The following LYPLAL1 variants were observed in gnomAD, a reference collection of about 807,000 sequenced individuals.
The protein encoded by LYPLAL1 is lysophospholipase-like protein 1.
Under a neutral mutation model 19.7 loss-of-function variants are expected in LYPLAL1, and 23 were observed. The observed-to-expected ratio is 1.17, with a 90% CI of 0.84 to 1.65. The LOEUF (loss-of-function observed/expected upper bound fraction) is 1.65. Ranked by LOEUF, LYPLAL1 falls within the 40% of genes most tolerant of loss-of-function variation. The pLI, the probability that LYPLAL1 is intolerant of heterozygous loss-of-function variation, is 0.00. For missense variants in LYPLAL1, 355 were observed against 279.4 expected, an observed-to-expected ratio of 1.27 and a Z score of -1.93; for synonymous variants, 119 against 96.3, an observed-to-expected ratio of 1.24 and a Z score of -1.38.
At chr1:219,362,678 T>C in the LYPLAL1 span, among the ~76,000 whole-genome samples, 1 of 152,040 alleles carries the variant, frequency 6.6e-6, no homozygotes, top group South Asian at 2.1e-4. Context: ...AAGCGGAGTA[T>C]AGGGAACAAT....
At chr1:219,355,993 A>G in the LYPLAL1 span, among the ~76,000 whole-genome samples, 18 of 152,186 alleles carry the variant, frequency 1.2e-4, no homozygotes, top group African/African-American at 4.3e-4. Flanking sequence ...AGCCTTCTTT[A>G]TACTATTAAA....
chr1:219,268,643 G>GAAT, the LYPLAL1 span, among the ~76,000 whole-genome samples: 71,166 of 144,488 alleles, frequency 0.49, 17,036 homozygotes, highest in East Asian at 0.68. Flanking sequence ...TAAAAAACAA[G>GAAT]TCCATATATA....
the LYPLAL1 span, among the ~76,000 whole-genome samples, chr1:219,299,124 A>C: frequency 7.0e-6 from 1 of 143,480 alleles, no homozygotes; most frequent in Non-Finnish European, 1.5e-5. Context: ...TACTGTGCTT[A>C]TCTGCCCTCC....
the LYPLAL1 span, among the ~76,000 whole-genome samples, chr1:219,268,162 CA>C: frequency 5.9e-5 from 9 of 151,556 alleles, no homozygotes. Flanking sequence ...AGGCAGTTCA[CA>C]GGGGACAGAG....
chr1:219,421,282 G>C, the LYPLAL1 span, among the ~76,000 whole-genome samples: 1 of 152,152 alleles, frequency 6.6e-6, no homozygotes, highest in Non-Finnish European at 1.5e-5. Context: ...TGAATTTTTA[G>C]CTATCCAATC....
the LYPLAL1 span, among the ~76,000 whole-genome samples, chr1:219,309,149 C>G: frequency 6.6e-6 from 1 of 152,152 alleles, no homozygotes; most frequent in Non-Finnish European, 1.5e-5. Flanking sequence ...GGATTTGAGA[C>G]TTGCATGAGC....
At chr1:219,437,641 C>T in the LYPLAL1 span, among the ~76,000 whole-genome samples, 1 of 152,096 alleles carries the variant, frequency 6.6e-6, no homozygotes, top group African/African-American at 2.4e-5. Context: ...TTTTATCTTG[C>T]CCCCTTTGGT....
chr1:219,440,295 A>G, the LYPLAL1 span, among the ~76,000 whole-genome samples: 1 of 152,064 alleles, frequency 6.6e-6, no homozygotes, highest in African/African-American at 2.4e-5. Flanking sequence ...CTTCTTTTAA[A>G]AAAACCTATT....
At chr1:219,424,774 G>A in the LYPLAL1 span, among the ~76,000 whole-genome samples, 241 of 152,194 alleles carry the variant, frequency 1.6e-3, no homozygotes, top group African/African-American at 5.6e-3. Context: ...ATAACTAAAG[G>A]CAGTAGGTTT....
chr1:219,229,520 TC>T, the LYPLAL1 span, among the ~76,000 whole-genome samples: 1 of 152,156 alleles, frequency 6.6e-6, no homozygotes, highest in African/African-American at 2.4e-5. Flanking sequence ...ATCCGATTCT[TC>T]CGGTAAACCA....
chr1:219,291,244 G>A, the LYPLAL1 span, among the ~76,000 whole-genome samples: 1 of 152,144 alleles, frequency 6.6e-6, no homozygotes, highest in Non-Finnish European at 1.5e-5. Context: ...TTCTCAATAT[G>A]TTACATAATG....
the LYPLAL1 span, among the ~76,000 whole-genome samples, chr1:219,411,249 C>T: frequency 6.7e-6 from 1 of 148,174 alleles, no homozygotes; most frequent in East Asian, 2.1e-4. Flanking sequence ...CTGGTGAGGA[C>T]GTGGAGAGTC....
At chr1:219,296,997 C>G in the LYPLAL1 span, among the ~76,000 whole-genome samples, 4 of 152,182 alleles carry the variant, frequency 2.6e-5, no homozygotes, top group Non-Finnish European at 5.9e-5. Flanking sequence ...CCGCTAATAA[C>G]TGGGAAAAGT....
At chr1:219,418,605 A>G in the LYPLAL1 span, among the ~76,000 whole-genome samples, 1 of 152,228 alleles carries the variant, frequency 6.6e-6, no homozygotes, top group African/African-American at 2.4e-5. Flanking sequence ...CCACCAGAGT[A>G]GTACATTTGT....
At chr1:219,407,567 G>C in the LYPLAL1 span, among the ~76,000 whole-genome samples, 1 of 152,188 alleles carries the variant, frequency 6.6e-6, no homozygotes, top group African/African-American at 2.4e-5. Context: ...TTGCTCTGAG[G>C]ATGTGAGAGG....
Position 219,179,252 on chromosome 1 carries a change from C to G in LYPLAL1, c.191+6C>G, listed in dbSNP as rs777591691. 9 of 1,579,866 alleles carry G rather than the reference C, an allele frequency of 5.7e-6. No individual in the cohort carries two copies. In the South Asian group the frequency reaches 1.0e-4, roughly 18 times the overall value. On this transcript the variant is annotated splice_donor_region_variant and intron_variant, in intron 2 of 4. Coordinates refer to ENST00000366928, the MANE Select transcript of LYPLAL1 (RefSeq NM_138794.5). ...TATCCAACAGCTCCTCCCAGGTATG[C>G]AGTAATTTATCTCACTTGTCAATAT...
chr1:219,289,307 G>C, the LYPLAL1 span, among the ~76,000 whole-genome samples: 1 of 152,092 alleles, frequency 6.6e-6, no homozygotes, highest in Non-Finnish European at 1.5e-5. Flanking sequence ...GCCCGTGAGA[G>C]CTGTAGTGAG....
chr1:219,421,471 T>G, the LYPLAL1 span, among the ~76,000 whole-genome samples: 1 of 152,178 alleles, frequency 6.6e-6, no homozygotes, highest in Non-Finnish European at 1.5e-5. Context: ...TCCTCAAATC[T>G]CAGATAGATT....
the LYPLAL1 span, among the ~76,000 whole-genome samples, chr1:219,312,727 C>T: frequency 6.6e-6 from 1 of 152,188 alleles, no homozygotes; most frequent in Non-Finnish European, 1.5e-5. Flanking sequence ...AATCTAACAA[C>T]AGTCAAAGCA....
Sources: gnomAD v4.1 joint callset for allele counts (sites outside exome capture counted in the v4.1 genomes callset) on GRCh38, gnomAD v4.1.1 for gene constraint, MANE v1.5 for transcripts, NCBI Gene and HGNC (gene_info 2026-07-23, HGNC 2026-07-21) for gene names.